MATR3: variants seen among roughly 807,000 people sequenced by gnomAD.
MATR3 encodes the protein matrin 3, also known as matrin-3.
In MATR3, 4 loss-of-function variants were observed where a neutral mutation model predicts 85.5. The ratio of observed to expected loss-of-function variants is 0.05; its 90% CI spans 0.02 to 0.11. The LOEUF is 0.11. Among genes scored for constraint, MATR3 ranks in the 10% least tolerant of loss-of-function variants. The pLI, the probability that MATR3 is intolerant of heterozygous loss-of-function variation, is 1.00. For missense variants in MATR3, 685 were observed against 1,016.1 expected (o/e 0.67, Z 4.43); for synonymous variants, 336 against 343.1 (o/e 0.98, Z 0.23).
chr5:139,279,110 G>A (rs764775079), exon 3 of MATR3: 1 of 455,076 alleles, frequency 2.2e-6, no homozygotes, highest in Non-Finnish European at 4.4e-6. Context: ...ACAGCCCTGT[G>A]TGACACCAAG....
At chr5:139,317,301 C>T (rs748155403) in intron 6 of MATR3, among the ~76,000 whole-genome samples, 196 bp downstream of exon 6, 6 of 152,176 alleles carry the variant, frequency 3.9e-5, no homozygotes, top group Non-Finnish European at 7.3e-5. Context: ...GTGAGGTCAC[C>T]TTAATTCAGC....
upstream of MATR3, among the ~76,000 whole-genome samples, chr5:139,292,777 A>C (rs1203085946): frequency 6.6e-6 from 1 of 152,142 alleles, no homozygotes; most frequent in Non-Finnish European, 1.5e-5. Flanking sequence ...CGCCTCTATT[A>C]AAAATGCAAA....
chr5:139,275,385 T>G (rs1168735981), intron 1 of MATR3, among the ~76,000 whole-genome samples: 1 of 152,018 alleles, frequency 6.6e-6, no homozygotes, highest in Non-Finnish European at 1.5e-5. Context: ...ACTGCAGTTA[T>G]TTTTCCAAGT....
intron 1 of MATR3, among the ~76,000 whole-genome samples, chr5:139,297,739 A>T (rs772647554): frequency 6.6e-6 from 1 of 152,202 alleles, no homozygotes. Flanking sequence ...GTATAGATAA[A>T]GCTCAAGGCT....
chr5:139,319,664 A>G (rs1755438504), intron 9 of MATR3, among the ~76,000 whole-genome samples, 163 bp downstream of exon 9: 1 of 151,910 alleles, frequency 6.6e-6, no homozygotes, highest in African/African-American at 2.4e-5. Flanking sequence ...CCTGGCCAGC[A>G]TGGTGAAATC....
At chr5:139,295,364 T>C (rs529722912) in intron 1 of MATR3, among the ~76,000 whole-genome samples, 163 of 152,340 alleles carry the variant, frequency 1.1e-3, no homozygotes, top group Non-Finnish European at 1.8e-3. Context: ...AGTTTCTTGG[T>C]TATGTAAGAT....
intron 3 of MATR3, 104 bp from the exon 4 acceptor site, chr5:139,315,593 C>G (rs2151983189): frequency 1.3e-6 from 1 of 766,894 alleles, no homozygotes; most frequent in Middle Eastern, 2.7e-4. Context: ...CTTAGACTCT[C>G]AGATAACTTT....
chr5:139,290,563 C>T (rs1054556455), upstream of MATR3, among the ~76,000 whole-genome samples: 1 of 149,132 alleles, frequency 6.7e-6, no homozygotes, highest in South Asian at 2.2e-4. Flanking sequence ...CCCTGTCTAC[C>T]CCTGCCCCGG....
At chr5:139,313,056 T>C (rs1448229009) in intron 2 of MATR3, 1 of 151,386 alleles carries the variant, frequency 6.6e-6, no homozygotes, top group Non-Finnish European at 1.5e-5. Context: ...AGGAGCTCAT[T>C]TATAAAATAC....
upstream of MATR3, chr5:139,293,692 C>T: frequency 3.2e-6 from 1 of 313,314 alleles, no homozygotes; most frequent in Non-Finnish European, 5.8e-6. Context: ...TCTTGGGCTG[C>T]AGCCGCTGCC....
intron 1 of MATR3, among the ~76,000 whole-genome samples, chr5:139,297,815 T>C (rs1282268409): frequency 6.6e-6 from 1 of 152,230 alleles, no homozygotes; most frequent in Non-Finnish European, 1.5e-5. Flanking sequence ...ATTTTAAAGC[T>C]ATTCCAAAAT....
chr5:139,307,360 G>T lies in MATR3; in HGVS notation c.-56G>T. On this transcript the variant is annotated 5_prime_UTR_variant, in exon 2 of 15. Transcript: ENST00000394805. The surrounding 1 kb of genome is among the most constrained non-coding windows in gnomAD (Gnocchi z 4.4). ...TCTAGTTTGAGCTTTCTTTTTGGCC[G>T]TCTTTAAAAAAATTTTTTTTTTTAA... is the stretch of plus-strand genomic sequence containing the variant. 1.3e-6 allele frequency: 2 copies of T among 1,565,628 alleles called. No homozygotes were observed. The highest frequency in any genetic ancestry group is 1.2e-5 in the South Asian group (1 of 81,280).
chr5:139,318,346 C>G (rs1203716543), intron 7 of MATR3, among the ~76,000 whole-genome samples: 1 of 152,134 alleles, frequency 6.6e-6, no homozygotes, highest in Admixed American at 6.6e-5. Flanking sequence ...GTTGGCCAGG[C>G]TGGTCTCGAA....
intron 13 of MATR3, 47 bp from the exon 14 acceptor site, chr5:139,326,116 A>G (rs1184320574): frequency 2.0e-6 from 3 of 1,485,790 alleles, no homozygotes; most frequent in African/African-American, 1.4e-5. Flanking sequence ...TGAATACTAA[A>G]TAAAATCTTC....
chr5:139,319,557 TTC>T, intron 9 of MATR3, 56 bp downstream of exon 9: 2 of 1,504,874 alleles, frequency 1.3e-6, no homozygotes, highest in Non-Finnish European at 1.8e-6. Context: ...CTTAAGATTT[TTC>T]AATATGGAGC....
intron 9 of MATR3, 70 bp downstream of exon 9, chr5:139,319,571 G>C: frequency 7.1e-7 from 1 of 1,405,268 alleles, no homozygotes; most frequent in Non-Finnish European, 9.9e-7. Context: ...ATATGGAGCT[G>C]GGCGTCATTC....
At position 139,325,608 on chromosome 5, in the gene MATR3, T is replaced by C. The variant is rs531716338; in HGVS notation, c.2317T>C (p.Tyr773His). The change falls in exon 13 of 15, where the codon TAT becomes CAT. Residue 773 changes from tyrosine (Y) to histidine (H), a missense_variant. Tyr to His is a moderately conservative substitution (Grantham distance 83). Transcript: ENST00000394805. Reference sequence around the variant, plus strand: ...TCAAAGTGATGAGAACAAGGACGACTATACAATCCCAGATGAGTATAGAAT... The same window carrying C: ...TCAAAGTGATGAGAACAAGGACGACCATACAATCCCAGATGAGTATAGAAT... ...DGQSDENKDD[Y>H]TIPDEYRIGP... 1.2e-6 allele frequency: 2 copies of C among 1,614,208 alleles called. No homozygotes were observed. Among genetic ancestry groups the C allele is most frequent in the African/African-American group, 2.7e-5 (2 of 75,056 alleles).
At chr5:139,305,851 T>C (rs1219295529) in intron 1 of MATR3, among the ~76,000 whole-genome samples, 1 of 152,214 alleles carries the variant, frequency 6.6e-6, no homozygotes, top group Non-Finnish European at 1.5e-5. Context: ...AAATCCAGTC[T>C]AAATCTTTCT....
chr5:139,322,824 C>T lies in MATR3; in HGVS notation c.2005C>T (p.Leu669=). The change falls in exon 12 of 15, where the codon CTA becomes TTA. Residue 669 remains leucine (L), a synonymous_variant. Coordinates refer to ENST00000394805, the MANE Select transcript of MATR3 (RefSeq NM_018834.6). ...AGATGAAGAAGAAGCAGCAGCACTGCTAGAAAGTGGCAGTTCAGTGGGAGA... is the reference window on the plus strand; with the variant it reads ...AGATGAAGAAGAAGCAGCAGCACTGTTAGAAAGTGGCAGTTCAGTGGGAGA... ...LVDEEEAAAL[L]ESGSSVGDET... 3.1e-6 allele frequency: 5 copies of T among 1,614,130 alleles called. No individual in the cohort carries two copies. Among genetic ancestry groups the T allele is most frequent in the Non-Finnish European group, 4.2e-6 (5 of 1,180,020 alleles).
Sources: allele counts gnomAD v4.1 joint callset (sites outside exome capture counted in the v4.1 genomes callset), GRCh38; gene constraint gnomAD v4.1.1; non-coding constraint Gnocchi (gnomAD v3.1); transcripts MANE v1.5; gene names NCBI Gene and HGNC (gene_info 2026-07-23, HGNC 2026-07-21).